The following HAUS8 variants were observed in gnomAD, a reference collection of about 807,000 sequenced individuals.
HAUS8 encodes HAUS augmin-like complex subunit 8.
A neutral mutation model predicts 42.9 loss-of-function variants in HAUS8; 38 were observed. The observed-to-expected ratio is 0.89, with a 90% confidence interval of 0.68 to 1.16. The LOEUF (loss-of-function observed/expected upper bound fraction) is 1.16. Among genes scored for constraint, HAUS8 ranks in the 50% most tolerant of loss-of-function variants. HAUS8 has a pLI of 0.00. For synonymous variants in HAUS8, 199 were observed against 205.8 expected (o/e 0.97, Z 0.28); for missense variants, 494 against 511.6 (o/e 0.97, Z 0.33).
intron 10 of HAUS8, chr19:17,052,045 CAGG>C (rs1258626628): frequency 6.6e-6 from 1 of 152,096 alleles, no homozygotes; most frequent in Admixed American, 6.6e-5. Flanking sequence ...GAGGCTGAGG[CAGG>C]AGAATTGCTT....
At chr19:17,064,656 G>C (rs2057377824) in intron 3 of HAUS8, among the ~76,000 whole-genome samples, 1 of 152,124 alleles carries the variant, frequency 6.6e-6, no homozygotes, top group South Asian at 2.1e-4. Flanking sequence ...TACAACAACT[G>C]AACACCCATA....
At chr19:17,057,286 G>A (rs765833150) in intron 8 of HAUS8, among the ~76,000 whole-genome samples, 115 of 151,968 alleles carry the variant, frequency 7.6e-4, no homozygotes, top group Middle Eastern at 3.4e-3. Context: ...GGAGGCGGAC[G>A]TTGCAGTGAG....
intron 8 of HAUS8, 89 bp downstream of exon 8, chr19:17,058,460 T>C (rs2057338846): frequency 7.7e-7 from 1 of 1,306,054 alleles, no homozygotes; most frequent in Non-Finnish European, 1.1e-6. Context: ...TGAGCAATGA[T>C]ACCCTAGCAC....
In HAUS8 at chr19:17,055,855, TCCTA is replaced by T; in HGVS notation, c.787+2_787+5del. The T allele has an allele frequency of 6.2e-7, 1 of 1,612,868 alleles. No homozygotes were observed. The highest frequency in any genetic ancestry group is 8.5e-7 in the Non-Finnish European group (1 of 1,179,584). The stretch of plus-strand genomic sequence containing the variant: ...TGCACACGCACTGGGACGCCCCGTT[TCCTA>T]CCTAAGAGCTGCTGCCCATCTCCCT... On this transcript the variant is annotated splice_donor_variant and splice_donor_5th_base_variant and intron_variant, in intron 9 of 10. Coordinates refer to ENST00000253669, the MANE Select transcript of HAUS8 (RefSeq NM_033417.2). LOFTEE classifies it high-confidence loss of function.
At chr19:17,060,214 G>A (rs540944741) in intron 4 of HAUS8, 122 bp from the exon 5 acceptor site, 41 of 408,718 alleles carry the variant, frequency 1.0e-4, no homozygotes, top group African/African-American at 8.9e-4. Flanking sequence ...TTTCGTCCAA[G>A]GTGGAAAGGC....
chr19:17,059,846 G>A (rs563888194), intron 5 of HAUS8, 151 bp downstream of exon 5: 6 of 679,394 alleles, frequency 8.8e-6, no homozygotes, highest in East Asian at 5.3e-5. Flanking sequence ...CCTTTACCAA[G>A]GTATTAAGTA....
chr19:17,069,016 T>G lies in HAUS8; in HGVS notation c.147+15A>C. The G allele has an allele frequency of 6.2e-7, 1 of 1,610,884 alleles. No homozygotes were observed. The highest frequency in any genetic ancestry group is 1.3e-5 in the African/African-American group (1 of 74,996). The stretch of plus-strand genomic sequence containing the variant: ...GCTCAGAACTGCTGCAAATGGAAGC[T>G]GGGTGCGGCCTTACCTTTTGGGTTG... On this transcript the variant is annotated intron_variant, in intron 3 of 10. Transcript: ENST00000253669.
chr19:17,073,746 AG>A (rs1429047835), intron 1 of HAUS8: 1 of 195,784 alleles, frequency 5.1e-6, no homozygotes, highest in Non-Finnish European at 1.1e-5. Flanking sequence ...GAGTGGTCCC[AG>A]CAGGTACCTC....
At chr19:17,053,178 C>T (rs2057298777) in intron 9 of HAUS8, 1 of 595,850 alleles carries the variant, frequency 1.7e-6, no homozygotes, top group Non-Finnish European at 3.0e-6. Flanking sequence ...TCCATCTATC[C>T]AGGAGGGCAT....
At chr19:17,067,912 C>T (rs184599231) in intron 3 of HAUS8, among the ~76,000 whole-genome samples, 7 of 152,224 alleles carry the variant, frequency 4.6e-5, no homozygotes, top group East Asian at 3.9e-4. Flanking sequence ...ATTGCTCCCA[C>T]GAACTCTCAC....
chr19:17,057,219 G>A (rs1328206165), intron 8 of HAUS8, among the ~76,000 whole-genome samples: 6 of 152,042 alleles, frequency 3.9e-5, no homozygotes, highest in Admixed American at 3.9e-4. Context: ...GCGTGGTGGT[G>A]CATGCCTGTA....
intron 2 of HAUS8, among the ~76,000 whole-genome samples, chr19:17,071,965 G>A (rs972589859): frequency 6.6e-6 from 1 of 152,126 alleles, no homozygotes; most frequent in Non-Finnish European, 1.5e-5. Flanking sequence ...CAGCCTGGGT[G>A]ACAGAGCGAG....
At chr19:17,059,483 A>G (rs555005758) in intron 6 of HAUS8, 74 bp downstream of exon 6, 9 of 1,040,116 alleles carry the variant, frequency 8.7e-6, no homozygotes, top group Non-Finnish European at 1.2e-5. Context: ...GGCACTCAGC[A>G]TCTGGTTCAG....
At chr19:17,055,143 A>AATATATATATATAT (rs746719670) in intron 9 of HAUS8, 1 of 15,508 alleles carries the variant, frequency 6.4e-5, no homozygotes, top group Non-Finnish European at 1.0e-4. Flanking sequence ...AAAAAAAAAA[A>AATATATATATATAT]ATATATATAT....
At chr19:17,058,432 AAC>A (rs1017306513) in intron 8 of HAUS8, 115 bp downstream of exon 8, 2 of 1,039,000 alleles carry the variant, frequency 1.9e-6, no homozygotes, top group African/African-American at 3.2e-5. Context: ...TTAAAAGCCC[AAC>A]ACAGTTAGAA....
chr19:17,055,929 A>G lies in HAUS8; in HGVS notation c.719T>C (p.Leu240Pro). 1 of 1,614,200 alleles carries G rather than the reference A, an allele frequency of 6.2e-7. No individual in the cohort carries two copies. The highest frequency in any genetic ancestry group is 8.5e-7 in the Non-Finnish European group (1 of 1,180,012). The change falls in exon 9 of 11, where the codon CTG becomes CCG. Residue 240 changes from leucine (L) to proline (P), a missense_variant. By Grantham distance (98) the Leu-to-Pro change is moderately conservative (BLOSUM62 -3). Transcript: ENST00000253669. ...KEQYRTFATALDTTRHELPVR... is the reference protein window; with the variant it reads ...KEQYRTFATAPDTTRHELPVR... Reference sequence around the variant, plus strand: ...GGGCAGCTCGTGCCTGGTAGTGTCCAGGGCCGTGGCGAATGTCCTGTATTG... The same window carrying G: ...GGGCAGCTCGTGCCTGGTAGTGTCCGGGGCCGTGGCGAATGTCCTGTATTG...
intron 2 of HAUS8, among the ~76,000 whole-genome samples, chr19:17,069,681 C>T (rs2057409687): frequency 1.3e-5 from 2 of 152,016 alleles, no homozygotes; most frequent in African/African-American, 4.8e-5. Flanking sequence ...CCTGTCACCC[C>T]AGCTTCTGGA....
At chr19:17,060,923 A>T (rs533227346) in intron 4 of HAUS8, among the ~76,000 whole-genome samples, 3 of 152,220 alleles carry the variant, frequency 2.0e-5, no homozygotes, top group Admixed American at 1.3e-4. Flanking sequence ...GGAACTAAGC[A>T]TGAGACTATT....
rs1342027832 is a variant in HAUS8 at position 17,055,114 on chromosome 19, G to GGAAAAA, written c.787+746_787+747insTTTTTC. The GGAAAAA allele has an allele frequency of 1.7e-3, 8 of 4,720 alleles. 1 individual carries two copies. The highest frequency in any genetic ancestry group is 5.5e-3 in the African/African-American group (8 of 1,450). The allele number at this position is 4,720 out of a possible 1,614,324, so 0.3% of individuals were successfully genotyped here. On this transcript the variant is annotated intron_variant, in intron 9 of 10. Coordinates refer to ENST00000253669, the MANE Select transcript of HAUS8 (RefSeq NM_033417.2). ...AACATAGCGAAACCCCGTCTCTACA[G>GGAAAAA]AAAAAAAAAAAAAAAAAAAAAAAAA...
Sources: allele counts gnomAD v4.1 joint callset (sites outside exome capture counted in the v4.1 genomes callset), GRCh38; gene constraint gnomAD v4.1.1; transcripts MANE v1.5; gene names NCBI Gene and HGNC (gene_info 2026-07-23, HGNC 2026-07-21).